Variants in TMEM116 observed in about 807,000 individuals in gnomAD.
The protein encoded by TMEM116 is transmembrane protein 116.
TMEM116 carries 38 observed loss-of-function variants against 44.3 expected under a neutral mutation model. The ratio of observed to expected loss-of-function variants is 0.86; its 90% CI spans 0.66 to 1.12. The LOEUF is 1.12. Ranked by LOEUF, TMEM116 falls within the 50% of genes most tolerant of loss-of-function variation. The pLI is 0.00. For synonymous variants in TMEM116, 132 were observed against 144.8 expected, an observed-to-expected ratio of 0.91 and a Z score of 0.64; for missense variants, 354 against 401.7, an observed-to-expected ratio of 0.88 and a Z score of 1.01.
intron 4 of TMEM116, among the ~76,000 whole-genome samples, chr12:111,955,482 A>G (rs551997914): frequency 1.8e-4 from 27 of 152,204 alleles, no homozygotes; most frequent in Non-Finnish European, 3.5e-4. Context: ...TAGTCATCTA[A>G]GGGAATAAAA....
intron 4 of TMEM116, among the ~76,000 whole-genome samples, chr12:111,945,292 C>T (rs1392288668): frequency 1.5e-5 from 2 of 134,804 alleles, no homozygotes; most frequent in African/African-American, 2.9e-5. Flanking sequence ...TGCAGTAAGC[C>T]GAGATCGAGC....
At chr12:111,988,466 G>A (rs2076350742) in intron 4 of TMEM116, among the ~76,000 whole-genome samples, 1 of 151,732 alleles carries the variant, frequency 6.6e-6, no homozygotes, top group African/African-American at 2.4e-5. Context: ...GGGTGAGGCG[G>A]GTGGATCACG....
intron 4 of TMEM116, among the ~76,000 whole-genome samples, chr12:111,963,229 T>A (rs1026900464): frequency 6.6e-6 from 1 of 151,836 alleles, no homozygotes; most frequent in African/African-American, 2.4e-5. Flanking sequence ...TTGGTGGGAG[T>A]GTAAATTAGT....
intron 4 of TMEM116, among the ~76,000 whole-genome samples, chr12:111,976,111 G>A (rs1339645443): frequency 6.6e-6 from 1 of 151,100 alleles, no homozygotes; most frequent in Non-Finnish European, 1.5e-5. Flanking sequence ...TGGGTTCAAG[G>A]GATTCTCCTG....
chr12:111,967,804 G>T (rs978385550), intron 4 of TMEM116, among the ~76,000 whole-genome samples: 2 of 152,090 alleles, frequency 1.3e-5, no homozygotes, highest in African/African-American at 2.4e-5. Flanking sequence ...GCAAGCAAAC[G>T]AAAATTAGAT....
chr12:111,931,475 T>A lies in TMEM116; in HGVS notation c.*146A>T. ...AGAGATACTCCCAATTCATCTAGAA[T>A]GACTACTAACAATGGCACTATATTT... On this transcript the variant is annotated 3_prime_UTR_variant, in exon 11 of 11. Transcript: ENST00000552374. The A allele has an allele frequency of 1.4e-6, 1 of 707,192 alleles. No homozygotes were observed. The highest frequency in any genetic ancestry group is 2.4e-6 in the Non-Finnish European group (1 of 424,916). The allele number at this position is 707,192 out of a possible 1,614,324, so 43.8% of individuals were successfully genotyped here.
intron 4 of TMEM116, among the ~76,000 whole-genome samples, chr12:111,986,095 C>T (rs977949440): frequency 9.2e-5 from 14 of 152,058 alleles, no homozygotes; most frequent in African/African-American, 3.4e-4. Flanking sequence ...ATGGCTCACG[C>T]CTGTATTCCC....
At chr12:111,945,343 C>CAAAAAAA (rs917839133) in intron 4 of TMEM116, among the ~76,000 whole-genome samples, 6 of 33,814 alleles carry the variant, frequency 1.8e-4, no homozygotes, top group African/African-American at 3.0e-4. Flanking sequence ...GACTCCATCT[C>CAAAAAAA]AAAAAAAAAA....
intron 3 of TMEM116, chr12:111,994,015 C>G (rs1240482271): frequency 8.7e-6 from 5 of 572,040 alleles, no homozygotes; most frequent in Middle Eastern, 2.9e-4. Flanking sequence ...TTGCCCTCCC[C>G]CAAGATGCCA....
intron 3 of TMEM116, among the ~76,000 whole-genome samples, chr12:111,994,232 T>C (rs1284685031): frequency 6.6e-6 from 1 of 151,454 alleles, no homozygotes; most frequent in African/African-American, 2.4e-5. Context: ...TAAACCCAAC[T>C]CTTCAGGAAA....
intron 5 of TMEM116, among the ~76,000 whole-genome samples, chr12:111,942,503 A>C (rs1318594287): frequency 6.6e-6 from 1 of 151,640 alleles, no homozygotes; most frequent in African/African-American, 2.4e-5. Flanking sequence ...CAATCTCCTG[A>C]CCTCGTGATC....
chr12:111,956,194 C>A (rs916447067), intron 4 of TMEM116, among the ~76,000 whole-genome samples: 19 of 152,136 alleles, frequency 1.2e-4, no homozygotes, highest in African/African-American at 4.6e-4. Context: ...CTATAAAACT[C>A]TTTTCATTAT....
intron 3 of TMEM116, among the ~76,000 whole-genome samples, chr12:111,992,740 G>C (rs912543116): frequency 2.0e-5 from 3 of 152,156 alleles, no homozygotes; most frequent in African/African-American, 7.2e-5. Flanking sequence ...GGTGAAATTT[G>C]TCTCTTCTTA....
chr12:111,942,294 G>A (rs190093159), intron 5 of TMEM116, among the ~76,000 whole-genome samples: 13 of 150,726 alleles, frequency 8.6e-5, no homozygotes, highest in Non-Finnish European at 1.8e-4. Flanking sequence ...TTTTTGAGAC[G>A]GAGTCTCTCT....
Position 111,931,501 on chromosome 12 carries a change from C to A in TMEM116, c.*120G>T, listed in dbSNP as rs903643421. On this transcript the variant is annotated 3_prime_UTR_variant, in exon 11 of 11. Coordinates refer to ENST00000552374, the MANE Select transcript of TMEM116 (RefSeq NM_001193531.2). The stretch of plus-strand genomic sequence containing the variant: ...GACTACTAACAATGGCACTATATTT[C>A]CTTTGAGTTCTGCAGTTTAGGGCAT... 62 of 908,240 alleles carry A rather than the reference C, an allele frequency of 6.8e-5. No homozygotes were observed. Among genetic ancestry groups the A allele is most frequent in the Middle Eastern group, 3.3e-4 (1 of 2,994 alleles). The allele number at this position is 908,240 out of a possible 1,614,324, so 56.3% of individuals were successfully genotyped here. A position where few individuals can be genotyped will look rare whatever the true frequency, so the allele number is the denominator to read the frequency against.
chr12:111,949,162 C>A (rs1237463074), intron 4 of TMEM116, among the ~76,000 whole-genome samples: 3 of 151,728 alleles, frequency 2.0e-5, no homozygotes, highest in African/African-American at 7.3e-5. Context: ...AAAACAAAAT[C>A]TTTTTCTCTT....
At chr12:111,968,356 C>A (rs1201372978) in intron 4 of TMEM116, among the ~76,000 whole-genome samples, 1 of 152,048 alleles carries the variant, frequency 6.6e-6, no homozygotes, top group East Asian at 1.9e-4. Flanking sequence ...GAGCATCATT[C>A]CATACCCACC....
intron 3 of TMEM116, chr12:112,000,602 C>T: frequency 3.0e-6 from 1 of 332,346 alleles, no homozygotes. Context: ...TCTTGGCTTA[C>T]TGCAGTCTTA....
intron 4 of TMEM116, among the ~76,000 whole-genome samples, chr12:111,971,258 T>C (rs1440501870): frequency 3.9e-5 from 6 of 152,154 alleles, no homozygotes; most frequent in African/African-American, 1.4e-4. Flanking sequence ...TGTTTTTTTC[T>C]TACTACTTAA....
Sources: allele counts gnomAD v4.1 joint callset (sites outside exome capture counted in the v4.1 genomes callset), GRCh38; gene constraint gnomAD v4.1.1; transcripts MANE v1.5; gene names NCBI Gene and HGNC (gene_info 2026-07-23, HGNC 2026-07-21).